DPP10: variants seen among roughly 807,000 people sequenced by gnomAD.
The protein encoded by DPP10 is dipeptidyl peptidase like 10.
A neutral mutation model predicts 120.9 loss-of-function variants in DPP10; 33 were observed. The observed-to-expected ratio is 0.27, with a 90% CI of 0.21 to 0.37. The LOEUF (loss-of-function observed/expected upper bound fraction) is 0.37, where lower values mean the gene tolerates loss of function less well. Ranked by LOEUF, DPP10 falls within the 10% of genes least tolerant of loss-of-function variation. The probability of loss-of-function intolerance (pLI) is 1.00; values close to 1 mark genes in which losing one functional copy is unlikely to be tolerated. For missense variants in DPP10, 816 were observed against 942.8 expected (o/e 0.87, Z 1.76); for synonymous variants, 337 against 326.1 (o/e 1.03, Z -0.36).
At chr2:115,117,672 T>G (rs2049592585) in intron 1 of DPP10, among the ~76,000 whole-genome samples, 1 of 152,186 alleles carries the variant, frequency 6.6e-6, no homozygotes, top group East Asian at 1.9e-4. Context: ...TACTGACTTG[T>G]ACATAGATTT....
chr2:115,018,248 A>G (rs146671385), intron 1 of DPP10, among the ~76,000 whole-genome samples: 90 of 152,344 alleles, frequency 5.9e-4, no homozygotes, highest in African/African-American at 2.1e-3. Flanking sequence ...TAATGCTTTT[A>G]CACTGCTGGT....
chr2:115,148,778 T>C (rs2051371146), intron 1 of DPP10, among the ~76,000 whole-genome samples: 1 of 152,212 alleles, frequency 6.6e-6, no homozygotes, highest in Non-Finnish European at 1.5e-5. Context: ...CCGCTACGCA[T>C]GTCAAAGAAT....
At chr2:114,771,391 A>C (rs765534544) in intron 1 of DPP10, among the ~76,000 whole-genome samples, 1 of 152,124 alleles carries the variant, frequency 6.6e-6, no homozygotes, top group Non-Finnish European at 1.5e-5. Flanking sequence ...CCACCTGAAC[A>C]TCCCTCGTTG....
intron 9 of DPP10, among the ~76,000 whole-genome samples, chr2:115,745,174 G>T (rs939141824): frequency 1.1e-4 from 17 of 150,340 alleles, no homozygotes; most frequent in African/African-American, 3.9e-4. Flanking sequence ...CGCAATATTC[G>T]CATTGTAGTT....
chr2:114,490,404 A>G (rs1489639502), intron 1 of DPP10, among the ~76,000 whole-genome samples: 1 of 152,106 alleles, frequency 6.6e-6, no homozygotes, highest in Non-Finnish European at 1.5e-5. Context: ...ACTCCACTCT[A>G]GCACAGTAAT....
chr2:114,460,970 C>A (rs1166674072), intron 1 of DPP10, among the ~76,000 whole-genome samples: 1 of 152,144 alleles, frequency 6.6e-6, no homozygotes, highest in Non-Finnish European at 1.5e-5. Context: ...ATTTTCATGA[C>A]TATGATGTGT....
At chr2:114,796,461 A>C (rs1683721933) in intron 1 of DPP10, among the ~76,000 whole-genome samples, 3 of 151,834 alleles carry the variant, frequency 2.0e-5, no homozygotes, top group Non-Finnish European at 2.9e-5. Flanking sequence ...TTATTGTAAT[A>C]ATATAGTATA....
chr2:114,734,251 G>A (rs567591225), intron 1 of DPP10, among the ~76,000 whole-genome samples: 1 of 152,152 alleles, frequency 6.6e-6, no homozygotes, highest in Admixed American at 6.5e-5. Context: ...TCAACTAAGA[G>A]TCAGGCACCC....
At chr2:115,495,815 G>C (rs1226117778) in intron 3 of DPP10, among the ~76,000 whole-genome samples, 1 of 152,136 alleles carries the variant, frequency 6.6e-6, no homozygotes, top group African/African-American at 2.4e-5. Context: ...TGAGTCGAAT[G>C]TGTGTTCAGA....
chr2:115,425,074 C>T (rs953923348), intron 3 of DPP10, among the ~76,000 whole-genome samples: 1 of 152,078 alleles, frequency 6.6e-6, no homozygotes, highest in African/African-American at 2.4e-5. Flanking sequence ...AATCAGTGAA[C>T]AAGTTCATAA....
intron 7 of DPP10, among the ~76,000 whole-genome samples, chr2:115,726,246 A>G (rs566594888): frequency 2.5e-4 from 38 of 152,312 alleles, no homozygotes; most frequent in African/African-American, 8.4e-4. Flanking sequence ...AAACGTTGGG[A>G]TAATTTACAT....
At chr2:114,523,253 T>G (rs912303585) in intron 1 of DPP10, among the ~76,000 whole-genome samples, 2 of 152,146 alleles carry the variant, frequency 1.3e-5, no homozygotes, top group African/African-American at 4.8e-5. Context: ...GGCTGGACTT[T>G]TGTTCCCTCC....
At chr2:115,349,689 A>G (rs961924075) in intron 3 of DPP10, among the ~76,000 whole-genome samples, 4 of 152,110 alleles carry the variant, frequency 2.6e-5, no homozygotes, top group African/African-American at 9.7e-5. Context: ...TAATATATCA[A>G]TAATATTTAC....
At chr2:115,419,701 G>T (rs2069762367) in intron 3 of DPP10, among the ~76,000 whole-genome samples, 1 of 152,116 alleles carries the variant, frequency 6.6e-6, no homozygotes. Flanking sequence ...TTTAAAAATA[G>T]GTGATATCTC....
At chr2:115,216,269 A>G (rs1163562813) in intron 1 of DPP10, among the ~76,000 whole-genome samples, 1 of 152,130 alleles carries the variant, frequency 6.6e-6, no homozygotes, top group African/African-American at 2.4e-5. Context: ...GTAACCCGGT[A>G]ACAAAACTGC....
At chr2:115,162,106 A>G (rs1185013819) in intron 1 of DPP10, 2 of 1,508,996 alleles carry the variant, frequency 1.3e-6, no homozygotes, top group African/African-American at 1.4e-5. Context: ...CCCGCTTCCC[A>G]GGCTGGGCTC....
chr2:115,449,147 C>T (rs1428675483), intron 3 of DPP10, among the ~76,000 whole-genome samples: 3 of 151,954 alleles, frequency 2.0e-5, no homozygotes, highest in East Asian at 3.8e-4. Context: ...GTTTGATTTA[C>T]GCAAAAAAAT....
intron 5 of DPP10, among the ~76,000 whole-genome samples, chr2:115,549,913 T>C (rs1030398953): frequency 1.2e-4 from 18 of 152,114 alleles, no homozygotes; most frequent in Non-Finnish European, 2.6e-4. Context: ...CCTTCACACA[T>C]ACCATTCTCC....
At chr2:114,816,511 G>C (rs1685652600) in intron 1 of DPP10, among the ~76,000 whole-genome samples, 1 of 152,052 alleles carries the variant, frequency 6.6e-6, no homozygotes, top group South Asian at 2.1e-4. Context: ...GATCAATTAG[G>C]ATCTAAGGCC....
Sources: gnomAD v4.1 joint callset for allele counts (sites outside exome capture counted in the v4.1 genomes callset) on GRCh38, gnomAD v4.1.1 for gene constraint, MANE v1.5 for transcripts, NCBI Gene and HGNC (gene_info 2026-07-23, HGNC 2026-07-21) for gene names.